MINDY2: variants seen among roughly 807,000 people sequenced by gnomAD.
MINDY2 encodes MINDY lysine 48 deubiquitinase 2, also known as ubiquitin carboxyl-terminal hydrolase MINDY-2.
A neutral mutation model predicts 68.2 loss-of-function variants in MINDY2; 52 were observed. The ratio of observed to expected loss-of-function variants is 0.76; its 90% confidence interval spans 0.61 to 0.96. The LOEUF (loss-of-function observed/expected upper bound fraction) is 0.96, where lower values mean the gene tolerates loss of function less well. Ranked by LOEUF, MINDY2 falls within the 40% of genes least tolerant of loss-of-function variation. MINDY2 has a pLI of 0.00. For synonymous variants in MINDY2, 372 were observed against 303.0 expected (o/e 1.23, Z -2.36); for missense variants, 881 against 773.4 (o/e 1.14, Z -1.65).
At chr15:58,823,713 T>A (rs540659937) in intron 5 of MINDY2, among the ~76,000 whole-genome samples, 1 of 152,142 alleles carries the variant, frequency 6.6e-6, no homozygotes, top group South Asian at 2.1e-4. Context: ...GAGTCGTTGA[T>A]CATTGATTCA....
chr15:58,807,413 T>G (rs1209101182), intron 3 of MINDY2, among the ~76,000 whole-genome samples: 3 of 143,826 alleles, frequency 2.1e-5, no homozygotes, highest in Non-Finnish European at 3.0e-5. Flanking sequence ...TGGAGTGCAG[T>G]GGCGCGATCT....
rs1233122452 is a variant in MINDY2 at position 58,771,539 on chromosome 15, C to G, written c.144C>G (p.Thr48=). 39 of 1,611,732 alleles carry G rather than the reference C, an allele frequency of 2.4e-5. No individual in the cohort carries two copies. Among genetic ancestry groups the G allele is most frequent in the Non-Finnish European group, 3.2e-5 (38 of 1,179,588 alleles). The change falls in exon 1 of 9, where the codon ACC becomes ACG. Residue 48 remains threonine, a synonymous_variant. Coordinates refer to ENST00000559228, the MANE Select transcript of MINDY2 (RefSeq NM_001040450.3). The stretch of plus-strand genomic sequence containing the variant: ...GTCCTGGGGTATGGGCGGCGGAGAC[C>G]AGCGGCGGGAATGGGCTGGGGGCGG... ...GDGPGVWAAE[T]SGGNGLGAAA...
At chr15:58,793,837 A>G (rs183700231) in intron 2 of MINDY2, among the ~76,000 whole-genome samples, 74 of 152,138 alleles carry the variant, frequency 4.9e-4, no homozygotes, top group African/African-American at 1.8e-3. Context: ...AGTTGTTGAA[A>G]GTAAGAGGGA....
At chr15:58,852,485 G>A (rs1379730008) in intron 8 of MINDY2, among the ~76,000 whole-genome samples, 1 of 151,928 alleles carries the variant, frequency 6.6e-6, no homozygotes, top group African/African-American at 2.4e-5. Flanking sequence ...TTTAAAATTC[G>A]TAATAGCTGC....
chr15:58,774,235 C>A (rs1900630620), intron 1 of MINDY2, among the ~76,000 whole-genome samples: 2 of 152,126 alleles, frequency 1.3e-5, no homozygotes, highest in Non-Finnish European at 2.9e-5. Flanking sequence ...GTATTCCCAG[C>A]ATTTCGGGAG....
rs1056627804 is a variant in MINDY2 at position 58,854,683 on chromosome 15, C to G, written c.*73C>G. The G allele has an allele frequency of 3.4e-6, 5 of 1,488,202 alleles. No individual in the cohort carries two copies. The African/African-American group carries it at 5.6e-5, about 17-fold the overall frequency. 92.2% of individuals were successfully genotyped at this position (1,488,202 alleles called of 1,614,324 possible). On this transcript the variant is annotated 3_prime_UTR_variant, in exon 9 of 9. Coordinates refer to ENST00000559228, the MANE Select transcript of MINDY2 (RefSeq NM_001040450.3). Reference sequence around the variant, plus strand: ...ACCACAGGAGGAAAGGAAGAAAAACCGATCAATACCGTCTGTGCCTGATTT... The same window carrying G: ...ACCACAGGAGGAAAGGAAGAAAAACGGATCAATACCGTCTGTGCCTGATTT...
In MINDY2 at chr15:58,810,343, T is replaced by C. The variant is rs2030147845; in HGVS notation, c.1077T>C (p.Asp359=). 2 of 1,612,708 alleles carry C rather than the reference T, an allele frequency of 1.2e-6. No homozygotes were observed. Among genetic ancestry groups the C allele is most frequent in the Non-Finnish European group, 1.7e-6 (2 of 1,179,654 alleles). ...ATACACCAGAATGCATAGTATTTGATCTTCTTGATATTCCTTTGTACCATG... is the reference window on the plus strand; with the variant it reads ...ATACACCAGAATGCATAGTATTTGACCTTCTTGATATTCCTTTGTACCATG... ...FEYTPECIVF[D]LLDIPLYHGW... Residue 359 remains aspartate (D), a synonymous_variant, in exon 4 of 9, where the codon GAT becomes GAC. Coordinates refer to ENST00000559228, the MANE Select transcript of MINDY2 (RefSeq NM_001040450.3).
intron 4 of MINDY2, among the ~76,000 whole-genome samples, chr15:58,819,848 A>G (rs1232336036): frequency 6.6e-6 from 1 of 152,200 alleles, no homozygotes; most frequent in African/African-American, 2.4e-5. Context: ...GAACTCATAG[A>G]TGTTTTTTTG....
At chr15:58,806,233 C>T (rs1303199818) in intron 3 of MINDY2, among the ~76,000 whole-genome samples, 1 of 152,030 alleles carries the variant, frequency 6.6e-6, no homozygotes, top group Non-Finnish European at 1.5e-5. Context: ...GCCACCACTC[C>T]TGGCTAATTT....
rs1403443993 is a variant in MINDY2, at chr15:58,831,854, C to G, written c.1306C>G (p.Gln436Glu). Residue 436 changes from glutamine to glutamate, a missense_variant, in exon 6 of 9, where the codon CAG (glutamine) becomes GAG (glutamate). Gln to Glu is a conservative substitution (Grantham distance 29). Coordinates refer to ENST00000559228, the MANE Select transcript of MINDY2 (RefSeq NM_001040450.3). The stretch of plus-strand genomic sequence containing the variant: ...ATTATGTGAACTAACTTCAACGGTT[C>G]AGGAAGGAGAACTTTGTGTGTTCTT... ...HGLCELTSTV[Q>E]EGELCVFFRN... is the part of the protein sequence containing the mutation. 1 of 1,613,682 alleles carries G rather than the reference C, an allele frequency of 6.2e-7. No individual in the cohort carries two copies. Among genetic ancestry groups the G allele is most frequent in the Admixed American group, 1.7e-5 (1 of 59,992 alleles).
rs571240615 is a variant in MINDY2 at position 58,860,531 on chromosome 15, C to T, written c.*5921C>T. The T allele has an allele frequency of 3.3e-5, 5 of 151,184 alleles. No individual in the cohort carries two copies. The highest frequency in any genetic ancestry group is 2.6e-4 in the Admixed American group (4 of 15,212). 9.4% of individuals were successfully genotyped at this position (151,184 alleles called of 1,614,324 possible). On this transcript the variant is annotated 3_prime_UTR_variant, in exon 9 of 9. Coordinates refer to ENST00000559228, the MANE Select transcript of MINDY2 (RefSeq NM_001040450.3). Reference sequence around the variant, plus strand: ...AGAGGTTGCAGTGAGCCAAGATTGCCCCACTGCACTCCAGCCTGGGCGACT... The same window carrying T: ...AGAGGTTGCAGTGAGCCAAGATTGCTCCACTGCACTCCAGCCTGGGCGACT...
intron 6 of MINDY2, among the ~76,000 whole-genome samples, chr15:58,835,502 A>T (rs1160110222): frequency 6.6e-6 from 1 of 152,058 alleles, no homozygotes; most frequent in African/African-American, 2.4e-5. Flanking sequence ...AAAATACAAA[A>T]ATTAGCTGGG....
At chr15:58,786,739 C>A (rs1293175093) in intron 1 of MINDY2, among the ~76,000 whole-genome samples, 1 of 152,156 alleles carries the variant, frequency 6.6e-6, no homozygotes, top group Non-Finnish European at 1.5e-5. Flanking sequence ...CTCAGAATCC[C>A]CTTAAAAGCC....
chr15:58,795,402 A>ATTTTG (rs1210036988), intron 2 of MINDY2, among the ~76,000 whole-genome samples: 5 of 151,338 alleles, frequency 3.3e-5, no homozygotes, highest in African/African-American at 9.7e-5. Flanking sequence ...AGTATGTGTT[A>ATTTTG]TTTTGTTTTG....
intron 3 of MINDY2, among the ~76,000 whole-genome samples, chr15:58,809,494 T>C (rs2030067603): frequency 6.6e-6 from 1 of 152,176 alleles, no homozygotes; most frequent in African/African-American, 2.4e-5. Flanking sequence ...TAAGAATAGA[T>C]AAAGAATTAT....
At chr15:58,794,086 T>C (rs1405208794) in intron 2 of MINDY2, among the ~76,000 whole-genome samples, 6 of 151,954 alleles carry the variant, frequency 3.9e-5, no homozygotes, top group Non-Finnish European at 8.8e-5. Context: ...GCTCTACATG[T>C]TGCCAGTGGT....
chr15:58,854,263 G>T (rs1022491672), intron 8 of MINDY2, among the ~76,000 whole-genome samples: 1 of 151,266 alleles, frequency 6.6e-6, no homozygotes, highest in East Asian at 1.9e-4. Context: ...AAAAGGAAAA[G>T]AAATTTTATT....
In MINDY2 at chr15:58,856,127, C is replaced by T. The variant is rs554023982; in HGVS notation, c.*1517C>T. On this transcript the variant is annotated 3_prime_UTR_variant, in exon 9 of 9. Transcript: ENST00000559228. ...TATCCTTAATAGTCTGTTTTATATG[C>T]CTTATATTTAAAAGTTTGTTTTAGT... is the stretch of plus-strand genomic sequence containing the variant. 28 of 152,574 alleles carry T rather than the reference C, an allele frequency of 1.8e-4. No individual in the cohort carries two copies. In the East Asian group the frequency reaches 5.4e-3, roughly 29 times the overall value. 9.5% of individuals were successfully genotyped at this position (152,574 alleles called of 1,614,324 possible). A position where few individuals can be genotyped will look rare whatever the true frequency, so the allele number is the denominator to read the frequency against.
chr15:58,794,112 C>A (rs1015904045), intron 2 of MINDY2, among the ~76,000 whole-genome samples: 4 of 149,192 alleles, frequency 2.7e-5, no homozygotes, highest in Non-Finnish European at 5.9e-5. Context: ...CAGGGTTGTG[C>A]GGTGGGGGAG....
Sources: gnomAD v4.1 joint callset for allele counts (sites outside exome capture counted in the v4.1 genomes callset) on GRCh38, gnomAD v4.1.1 for gene constraint, MANE v1.5 for transcripts, NCBI Gene and HGNC (gene_info 2026-07-23, HGNC 2026-07-21) for gene names.